The following LARGE1 variants were observed in gnomAD, a reference collection of about 807,000 sequenced individuals.
LARGE1 encodes the protein LARGE xylosyl- and glucuronyltransferase 1.
In LARGE1, 43 loss-of-function variants were observed where a neutral mutation model predicts 87.6. The ratio of observed to expected loss-of-function variants is 0.49; its 90% CI spans 0.38 to 0.63. LARGE1 has a LOEUF of 0.63. LARGE1 is among the 30% of genes least tolerant of loss of function. The pLI, the probability that LARGE1 is intolerant of heterozygous loss-of-function variation, is 0.00. For missense variants in LARGE1, 802 were observed against 1,000.2 expected, an observed-to-expected ratio of 0.80 and a Z score of 2.67; for synonymous variants, 434 against 394.6, an observed-to-expected ratio of 1.10 and a Z score of -1.18.
chr22:33,158,547 C>A (rs1195038683), downstream of LARGE1, among the ~76,000 whole-genome samples: 1 of 152,082 alleles, frequency 6.6e-6, no homozygotes, highest in African/African-American at 2.4e-5. Flanking sequence ...AATGAAATGA[C>A]CAGAAGCATA....
At chr22:33,228,441 GCTACC>G (rs1472083746) in intron 11 of LARGE1, among the ~76,000 whole-genome samples, 2 of 152,228 alleles carry the variant, frequency 1.3e-5, no homozygotes, top group Admixed American at 1.3e-4. Context: ...TGCTATGGAA[GCTACC>G]CTTAAGTGAA....
intron 1 of LARGE1, among the ~76,000 whole-genome samples, chr22:33,773,796 AG>A (rs1178701585): frequency 2.6e-5 from 4 of 152,158 alleles, no homozygotes; most frequent in Admixed American, 2.6e-4. Context: ...GGTTGTTGCA[AG>A]GATTGCAAGA....
rs1332900875 is a variant in LARGE1, at chr22:33,908,594, A to G, written c.-83+11401T>C. ...CTGCAGAGAAAGGCAGGGCTGGTTC[A>G]TAACAAGCTTTGTGCGTCCCAATAT... On this transcript the variant is annotated intron_variant, in intron 1 of 14. Transcript: ENST00000397394. Among the ~76,000 whole-genome samples the G allele has an allele frequency of 3.9e-5, 6 of 152,186 alleles. No individual in the cohort carries two copies. In the East Asian group the frequency reaches 1.2e-3, roughly 29 times the overall value.
rs980179556 is a variant in LARGE1 at position 33,360,999 on chromosome 22, G to A, written c.1131+20920C>T. Among the ~76,000 whole-genome samples the A allele has an allele frequency of 9.4e-5, 14 of 149,122 alleles. 2 individuals carry two copies. Among genetic ancestry groups the A allele is most frequent in the African/African-American group, 3.5e-4 (14 of 40,494 alleles). Reference sequence around the variant, plus strand: ...TGGGAGGCCGAGGCGGGTGGATCACGAGGTCGGGAGTTCAAGACAAGCCTG... The same window carrying A: ...TGGGAGGCCGAGGCGGGTGGATCACAAGGTCGGGAGTTCAAGACAAGCCTG... On this transcript the variant is annotated intron_variant, in intron 9 of 14. Coordinates refer to ENST00000397394, the MANE Select transcript of LARGE1 (RefSeq NM_133642.5).
chr22:33,505,342 G>C (rs77029073), intron 6 of LARGE1, among the ~76,000 whole-genome samples: 2,619 of 152,306 alleles, frequency 0.017, 77 homozygotes, highest in African/African-American at 0.057. Context: ...CCAGGTTTCT[G>C]TCTGGAGCTA....
chr22:33,855,547 G>A (rs1205530538), intron 1 of LARGE1, among the ~76,000 whole-genome samples: 2 of 152,108 alleles, frequency 1.3e-5, no homozygotes, highest in Non-Finnish European at 2.9e-5. Context: ...CAGGACCCAT[G>A]TTTCAGAACC....
intron 6 of LARGE1, among the ~76,000 whole-genome samples, chr22:33,475,844 C>T (rs1045118362): frequency 2.0e-5 from 3 of 152,270 alleles, no homozygotes; most frequent in African/African-American, 7.2e-5. Flanking sequence ...ACCATGTCTG[C>T]TGCCCAAACA....
intron 6 of LARGE1, among the ~76,000 whole-genome samples, chr22:33,438,703 GGCTGAGCTGA>G (rs2067361316): frequency 6.6e-6 from 1 of 152,196 alleles, no homozygotes; most frequent in African/African-American, 2.4e-5. Context: ...GGCATGAAAA[GGCTGAGCTGA>G]GCATTCGTCC....
intron 11 of LARGE1, among the ~76,000 whole-genome samples, chr22:33,211,629 C>T (rs571751624): frequency 6.6e-6 from 1 of 151,988 alleles, no homozygotes; most frequent in African/African-American, 2.4e-5. Context: ...AAAGATTAGC[C>T]GGGCGTGGTG....
rs755283207 is a variant in LARGE1, at chr22:33,274,434, T to C, written c.2264A>G (p.Asn755Ser). The C allele has an allele frequency of 5.0e-6, 8 of 1,614,184 alleles. No homozygotes were observed. The highest frequency in any genetic ancestry group is 1.6e-4 in the Middle Eastern group (1 of 6,062). The change falls in exon 15 of 15, where the codon AAC (asparagine) becomes AGC (serine). Residue 755 changes from asparagine to serine, a missense_variant. Asn to Ser is a conservative substitution (Grantham distance 46). Around this residue, in one of 2 missense-constraint regions of LARGE1, gnomAD observed 625 missense variants for 841.9 expected, o/e 0.74. Coordinates refer to ENST00000397394, the MANE Select transcript of LARGE1 (RefSeq NM_133642.5). ...GTGGTGGGCTTCTTGGTGCTAGCTG[T>C]TGTTCTCGGCTGTGAGATATTTCAG... ...AALKYLTAEN[N>S]S
intron 7 of LARGE1, among the ~76,000 whole-genome samples, chr22:33,407,772 G>T (rs9621690): frequency 1.5e-4 from 23 of 152,210 alleles, no homozygotes; most frequent in Admixed American, 2.6e-4. Flanking sequence ...GGGCCAATAA[G>T]TATGTATCTT....
At chr22:33,107,041 G>A in the LARGE1 span, among the ~76,000 whole-genome samples, 3 of 152,116 alleles carry the variant, frequency 2.0e-5, no homozygotes, top group Non-Finnish European at 4.4e-5. Flanking sequence ...CCATTCACAC[G>A]CAGTGATGGG....
rs560639763 is a variant in LARGE1 at position 33,473,607 on chromosome 22, C to T, written c.788-41342G>A. The stretch of plus-strand genomic sequence containing the variant: ...TGACCTCGTGATCCACCATGCCCAA[C>T]CAATTTTTTGTATTTTTAGTAGAGG... On this transcript the variant is annotated intron_variant, in intron 6 of 14. Transcript: ENST00000397394. Among the ~76,000 whole-genome samples the T allele has an allele frequency of 2.0e-5, 3 of 152,240 alleles. No individual in the cohort carries two copies. In the East Asian group the frequency reaches 5.8e-4, roughly 29 times the overall value.
intron 1 of LARGE1, among the ~76,000 whole-genome samples, chr22:33,868,774 T>C (rs1372791215): frequency 1.3e-5 from 2 of 152,210 alleles, no homozygotes; most frequent in East Asian, 1.9e-4. Context: ...CAACTCATCA[T>C]GCATTTACTG....
intron 11 of LARGE1, among the ~76,000 whole-genome samples, chr22:33,246,695 A>T (rs913601024): frequency 2.1e-4 from 32 of 152,214 alleles, no homozygotes; most frequent in African/African-American, 5.8e-4. Context: ...ATTATTAAGC[A>T]TGAATTTCCA....
At chr22:33,091,121 G>A in the LARGE1 span, among the ~76,000 whole-genome samples, 3 of 152,090 alleles carry the variant, frequency 2.0e-5, no homozygotes, top group Admixed American at 6.6e-5. Flanking sequence ...TCTGCAAGCC[G>A]ATCAACTCCA....
Position 33,230,051 on chromosome 22 carries a change from C to T in LARGE1, c.1731-63219G>A, listed in dbSNP as rs1166863249. 3.2e-5 allele frequency among the ~76,000 whole-genome samples: 4 copies of T among 125,268 alleles called. No homozygotes were observed. The Admixed American group carries it at 4.2e-4, about 13-fold the overall frequency. 82.2% of individuals were successfully genotyped at this position (125,268 alleles called of 152,430 possible). On this transcript the variant is annotated intron_variant, in intron 11 of 11. Coordinates refer to the LARGE1 transcript ENST00000608642. ...TTTTTGAGACAGAGTTTTGCTCGGT[C>T]ACCAGGCTGGAGTACAGTGGTGCGA...
chr22:33,283,011 C>T (rs1003513874), intron 13 of LARGE1, among the ~76,000 whole-genome samples, 191 bp downstream of exon 13: 2 of 152,192 alleles, frequency 1.3e-5, no homozygotes, highest in Admixed American at 6.5e-5. Context: ...CAAAAAAGTA[C>T]ATGGCACGTA....
At chr22:33,146,315 AC>A in the LARGE1 span, among the ~76,000 whole-genome samples, 463 of 152,160 alleles carry the variant, frequency 3.0e-3, 3 homozygotes, top group African/African-American at 0.011. Flanking sequence ...CTTACCCAAA[AC>A]CCATTCTCCC....
Sources: gnomAD v4.1 joint callset for allele counts (sites outside exome capture counted in the v4.1 genomes callset) on GRCh38, gnomAD v4.1.1 for gene constraint, gnomAD v4.1.1 regional missense constraint, MANE v1.5 for transcripts, NCBI Gene and HGNC (gene_info 2026-07-23, HGNC 2026-07-21) for gene names.